The following MAGED1 variants were observed in gnomAD, a reference collection of about 807,000 sequenced individuals.
MAGED1 encodes the protein melanoma-associated antigen D1.
Under a neutral mutation model 54.1 loss-of-function variants are expected in MAGED1, and 3 were observed. That is an observed-to-expected ratio of 0.06 (90% CI 0.03 to 0.14). MAGED1 has a LOEUF of 0.14. MAGED1 is among the 10% of genes least tolerant of loss of function. The probability of loss-of-function intolerance (pLI) is 1.00; values close to 1 mark genes in which losing one functional copy is unlikely to be tolerated. For synonymous variants in MAGED1, 217 were observed against 227.3 expected (o/e 0.95, Z 0.41); for missense variants, 485 against 623.4 (o/e 0.78, Z 2.36).
Position 51,894,318 on chromosome X carries a change from T to G in MAGED1, c.14T>G (p.Met5Arg). 1 of 1,202,697 alleles carries G rather than the reference T, an allele frequency of 8.3e-7. No homozygotes were observed. The highest frequency in any genetic ancestry group is 1.1e-6 in the Non-Finnish European group (1 of 891,417). The change falls in exon 2 of 13, where the codon ATG (methionine) becomes AGG (arginine). Residue 5 changes from methionine (M) to arginine (R), a missense_variant. Transcript: ENST00000326587. ...GGGACAGGAGCCATGGCTCAGAAAA[T>G]GGACTGTGGTGCGGGCCTCCTCGGC... is the stretch of plus-strand genomic sequence containing the variant. Reference protein sequence around the residue: MAQKMDCGAGLLGFQ... With the variant: MAQKRDCGAGLLGFQ...
chrX:51,803,724 CTTT>C (rs10576124), intron 1 of MAGED1, among the ~76,000 whole-genome samples: 904 of 81,338 alleles, frequency 0.011, 10 homozygotes, highest in African/African-American at 0.032. Flanking sequence ...AAATGATGTT[CTTT>C]TTTTTTTTTT....
intron 1 of MAGED1, among the ~76,000 whole-genome samples, chrX:51,853,441 T>C (rs1926965510): frequency 8.9e-6 from 1 of 112,441 alleles, no homozygotes; most frequent in Non-Finnish European, 1.9e-5. Flanking sequence ...CCTGCTTCCA[T>C]TCACCCTCCC....
intron 1 of MAGED1, among the ~76,000 whole-genome samples, chrX:51,860,973 A>C (rs1433627491): frequency 1.8e-5 from 2 of 110,978 alleles, no homozygotes; most frequent in Non-Finnish European, 3.8e-5. Flanking sequence ...CCTACCTGGG[A>C]GAATGGAGCT....
chrX:51,890,265 TGGCCATACA>T (rs1928387872), upstream of MAGED1, among the ~76,000 whole-genome samples: 1 of 112,684 alleles, frequency 8.9e-6, no homozygotes, highest in Non-Finnish European at 1.9e-5. Flanking sequence ...AATTAAGCAC[TGGCCATACA>T]ACTCCATTGG....
At chrX:51,848,795 G>GT (rs1379549247) in intron 1 of MAGED1, among the ~76,000 whole-genome samples, 9 of 111,821 alleles carry the variant, frequency 8.0e-5, no homozygotes, top group Non-Finnish European at 1.1e-4. Context: ...GGGTTTGGGG[G>GT]TTTTTGAGTT....
intron 3 of MAGED1, 99 bp downstream of exon 3, chrX:51,895,859 C>A: frequency 1.5e-6 from 1 of 667,163 alleles, no homozygotes; most frequent in South Asian, 3.0e-5. Context: ...TAACTGTATT[C>A]AGCTAGGCTA....
chrX:51,863,284 C>G (rs1927345253), intron 1 of MAGED1, among the ~76,000 whole-genome samples: 1 of 112,399 alleles, frequency 8.9e-6, no homozygotes, highest in African/African-American at 3.2e-5. Flanking sequence ...TGTGTTGTTG[C>G]AAATGGCAGG....
At chrX:51,863,667 A>G (rs1442156582) in intron 1 of MAGED1, among the ~76,000 whole-genome samples, 3 of 112,129 alleles carry the variant, frequency 2.7e-5, no homozygotes, top group African/African-American at 6.5e-5. Flanking sequence ...GATAATAACT[A>G]TCATAACAAG....
At chrX:51,809,537 T>G (rs1430511801) in intron 1 of MAGED1, among the ~76,000 whole-genome samples, 5 of 112,364 alleles carry the variant, frequency 4.4e-5, no homozygotes, top group Non-Finnish European at 9.4e-5. Context: ...TTTTGTTTTC[T>G]CATCCTCGTG....
chrX:51,897,319 C>A, intron 5 of MAGED1, 48 bp downstream of exon 5: 1 of 1,098,874 alleles, frequency 9.1e-7, no homozygotes, highest in Non-Finnish European at 1.3e-6. Flanking sequence ...CCCTTCACTC[C>A]ATGCTCTGTC....
intron 1 of MAGED1, among the ~76,000 whole-genome samples, chrX:51,854,434 C>T (rs1927010104): frequency 9.0e-6 from 1 of 111,576 alleles, no homozygotes; most frequent in African/African-American, 3.3e-5. Flanking sequence ...AGAGAACTTA[C>T]AGTTTAGTTG....
Position 51,901,645 on chromosome X carries a change from C to T in MAGED1, c.2052C>T (p.Ala684=), listed in dbSNP as rs368745871. 3.4e-4 allele frequency: 415 copies of T among 1,208,595 alleles called. No homozygotes were observed. The highest frequency in any genetic ancestry group is 4.2e-4 in the Non-Finnish European group (377 of 894,664). The change falls in exon 12 of 13, where the codon GCC becomes GCT. Residue 684 remains alanine (A), a synonymous_variant. Transcript: ENST00000326587. ...LDALDAAAAE[A]EARAEARTRM... ...CTCTGGATGCTGCTGCAGCTGAGGC[C>T]GAAGCCCGGGCTGAAGCAAGAACCC... is the stretch of plus-strand genomic sequence containing the variant.
chrX:51,821,637 G>A (rs782273672), intron 1 of MAGED1, among the ~76,000 whole-genome samples: 97 of 111,541 alleles, frequency 8.7e-4, no homozygotes, highest in African/African-American at 3.0e-3. Context: ...CAACCTGCCC[G>A]CCTTGGCCTC....
chrX:51,894,680 C>T, intron 2 of MAGED1: 2 of 1,177,139 alleles, frequency 1.7e-6, no homozygotes, highest in Non-Finnish European at 2.3e-6. Context: ...CTCCTGCCTC[C>T]ACCCTCCCTC....
At chrX:51,841,432 T>G (rs1320097053) in intron 1 of MAGED1, among the ~76,000 whole-genome samples, 7 of 110,499 alleles carry the variant, frequency 6.3e-5, no homozygotes, top group Non-Finnish European at 1.1e-4. Context: ...AGAAGCTCTT[T>G]AGTTTAATTA....
In MAGED1 at chrX:51,871,537, C is replaced by T. The variant is rs782625456; in HGVS notation, c.-36-22732C>T. Among the ~76,000 whole-genome samples the T allele has an allele frequency of 4.5e-5, 5 of 110,468 alleles. No individual in the cohort carries two copies. The East Asian group carries it at 1.4e-3, about 32-fold the overall frequency. ...AATATGCGGTGTTTGGTTTTTTGTC[C>T]TTGCAATAGTTTGCTGAGAATGATG... On this transcript the variant is annotated intron_variant, in intron 1 of 12. Coordinates refer to the MAGED1 transcript ENST00000375772.
At chrX:51,842,650 G>A (rs374501439) in intron 1 of MAGED1, among the ~76,000 whole-genome samples, 15 of 109,803 alleles carry the variant, frequency 1.4e-4, no homozygotes, top group Middle Eastern at 4.6e-3. Context: ...ATGATTTGAC[G>A]TTCTTTTAAT....
At chrX:51,804,830 A>G (rs143159207) in intron 1 of MAGED1, among the ~76,000 whole-genome samples, 6,049 of 111,807 alleles carry the variant, frequency 0.054, 382 homozygotes, top group African/African-American at 0.18. Context: ...TTTGAGCAGG[A>G]ACCTGAAGGA....
intron 1 of MAGED1, among the ~76,000 whole-genome samples, chrX:51,852,830 T>C (rs1289633778): frequency 8.9e-6 from 1 of 111,982 alleles, no homozygotes; most frequent in African/African-American, 3.2e-5. Context: ...TGGAATTTCT[T>C]AGCTAGTTTT....
Sources: gnomAD v4.1 joint callset for allele counts (sites outside exome capture counted in the v4.1 genomes callset) on GRCh38, gnomAD v4.1.1 for gene constraint, MANE v1.5 for transcripts, NCBI Gene and HGNC (gene_info 2026-07-23, HGNC 2026-07-21) for gene names.